Variants in TSPAN19 observed in about 807,000 individuals in gnomAD.
The protein encoded by TSPAN19 is tetraspanin 19, also known as tetraspanin-19.
Under a neutral mutation model 35.1 loss-of-function variants are expected in TSPAN19, and 44 were observed. The ratio of observed to expected loss-of-function variants is 1.25; its 90% confidence interval spans 0.98 to 1.61. TSPAN19 has a LOEUF of 1.61. Among genes scored for constraint, TSPAN19 ranks in the 40% most tolerant of loss-of-function variants. The probability of loss-of-function intolerance (pLI) is 0.00; values close to 1 mark genes in which losing one functional copy is unlikely to be tolerated. For missense variants in TSPAN19, 290 were observed against 280.0 expected (o/e 1.04, Z -0.26); for synonymous variants, 79 against 92.0 (o/e 0.86, Z 0.81).
At chr12:85,022,049 T>G (rs936291667) in intron 5 of TSPAN19, among the ~76,000 whole-genome samples, 1 of 152,118 alleles carries the variant, frequency 6.6e-6, no homozygotes, top group Non-Finnish European at 1.5e-5. Flanking sequence ...TATGGGTGAC[T>G]GATAAACTAT....
At chr12:85,029,853 T>A in intron 2 of TSPAN19, 28 bp downstream of exon 2, 15 of 1,512,276 alleles carry the variant, frequency 9.9e-6, no homozygotes, top group Non-Finnish European at 1.3e-5. Context: ...TTACATTTTC[T>A]TTACTGTATA....
chr12:85,025,814 G>A (rs940124247), intron 4 of TSPAN19, among the ~76,000 whole-genome samples: 6 of 151,536 alleles, frequency 4.0e-5, no homozygotes, highest in Non-Finnish European at 8.8e-5. Context: ...CGTGAGCACC[G>A]CACCTGGCCC....
intron 7 of TSPAN19, chr12:85,017,207 G>C: frequency 2.7e-6 from 1 of 375,778 alleles, no homozygotes. Context: ...AAAGACTGAT[G>C]ATATCCCAAG....
Position 85,029,972 on chromosome 12 carries a change from T to A in TSPAN19, c.-26A>T. On this transcript the variant is annotated splice_region_variant and 5_prime_UTR_variant, in exon 2 of 9. Transcript: ENST00000532498. ...TCTTTTTCTTCCAAGATATTGATGA[T>A]TCTGAAAAGACAACCATAACTTTTT... is the stretch of plus-strand genomic sequence containing the variant. 1 of 1,402,744 alleles carries A rather than the reference T, an allele frequency of 7.1e-7. No homozygotes were observed. The highest frequency in any genetic ancestry group is 9.6e-7 in the Non-Finnish European group (1 of 1,044,184). 86.9% of individuals were successfully genotyped at this position (1,402,744 alleles called of 1,614,324 possible).
chr12:85,023,402 T>C lies in TSPAN19; in HGVS notation c.265-2A>G, dbSNP rs375386781. ...GGTCCATGTTATCAATACTGCATAC[T>C]AAAACAAAAGAAAAATAGAGATGAT... On this transcript the variant is annotated splice_acceptor_variant, in intron 4 of 8. Transcript: ENST00000532498. LOFTEE classifies it high-confidence loss of function. 1.9e-6 allele frequency: 3 copies of C among 1,571,490 alleles called. No homozygotes were observed. The highest frequency in any genetic ancestry group is 2.6e-6 in the Non-Finnish European group (3 of 1,156,940).
Position 85,028,006 on chromosome 12 carries a change from T to C in TSPAN19, c.157A>G (p.Ile53Val), listed in dbSNP as rs745732827. Reference sequence around the variant, plus strand: ...ATCAAAATTTGAGAAATAGGTACTATGAAGTGATTATTTTCATCTGTGAAA... The same window carrying C: ...ATCAAAATTTGAGAAATAGGTACTACGAAGTGATTATTTTCATCTGTGAAA... Reference protein sequence around the residue: ...LTAFDENNHFIVPISQILIGM... With the variant: ...LTAFDENNHFVVPISQILIGM... The change falls in exon 4 of 9, where the codon ATA becomes GTA. Residue 53 changes from isoleucine to valine, a missense_variant. Physicochemically the swap from Ile to Val is conservative, Grantham distance 29. Transcript: ENST00000532498. 4.4e-6 allele frequency: 7 copies of C among 1,573,370 alleles called. No homozygotes were observed. Among genetic ancestry groups the C allele is most frequent in the East Asian group, 2.3e-5 (1 of 43,942 alleles).
At chr12:85,033,614 T>C (rs1877784667) in intron 1 of TSPAN19, among the ~76,000 whole-genome samples, 1 of 152,136 alleles carries the variant, frequency 6.6e-6, no homozygotes, top group Admixed American at 6.6e-5. Context: ...TTAAATTGAT[T>C]CCCTTTATCG....
In TSPAN19 at chr12:85,018,850, A is replaced by G. The variant is rs548337948; in HGVS notation, c.450+776T>C. Among the ~76,000 whole-genome samples, 21 of 152,034 alleles carry G rather than the reference A, an allele frequency of 1.4e-4. 1 individual carries two copies. Among genetic ancestry groups the G allele is most frequent in the Non-Finnish European group, 2.9e-4 (20 of 67,908 alleles). On this transcript the variant is annotated intron_variant, in intron 6 of 8. Coordinates refer to ENST00000532498, the MANE Select transcript of TSPAN19 (RefSeq NM_001100917.2). ...ATGAGGATAACAGTTCCTATGTTAT[A>G]GGGTTGGGAGGACTGAATTAGCTAA...
chr12:85,027,823 A>T, intron 4 of TSPAN19, 76 bp downstream of exon 4: 1 of 1,383,432 alleles, frequency 7.2e-7, no homozygotes, highest in Non-Finnish European at 9.8e-7. Flanking sequence ...GCTAATATAA[A>T]TCAGTATTCA....
chr12:85,019,751 A>T lies in TSPAN19; in HGVS notation c.340-15T>A. Reference sequence around the variant, plus strand: ...AGTTGCTGAACCTGTAGAAAATTGTATTAAAAATGAAAATTTCATAGGAAT... The same window carrying T: ...AGTTGCTGAACCTGTAGAAAATTGTTTTAAAAATGAAAATTTCATAGGAAT... On this transcript the variant is annotated splice_polypyrimidine_tract_variant and intron_variant, in intron 5 of 8. Transcript: ENST00000532498. The T allele has an allele frequency of 6.7e-7, 1 of 1,488,886 alleles. No individual in the cohort carries two copies. Among genetic ancestry groups the T allele is most frequent in the South Asian group, 1.2e-5 (1 of 81,956 alleles). The allele number at this position is 1,488,886 out of a possible 1,614,324, so 92.2% of individuals were successfully genotyped here.
chr12:85,032,203 TG>T (rs1877716907), intron 1 of TSPAN19, among the ~76,000 whole-genome samples: 1 of 152,114 alleles, frequency 6.6e-6, no homozygotes, highest in African/African-American at 2.4e-5. Context: ...TGCAGATAAA[TG>T]GGTAGCATAG....
chr12:85,015,826 C>T, intron 8 of TSPAN19, 62 bp downstream of exon 8: 1 of 1,199,600 alleles, frequency 8.3e-7, no homozygotes, highest in Non-Finnish European at 1.2e-6. Flanking sequence ...GATTGCTCTG[C>T]AGTCTATTCT....
chr12:85,020,037 A>G (rs1877040260), intron 5 of TSPAN19, among the ~76,000 whole-genome samples: 1 of 151,920 alleles, frequency 6.6e-6, no homozygotes, highest in South Asian at 2.1e-4. Flanking sequence ...CTCAGGAAAA[A>G]AACTGTAAAA....
chr12:85,018,428 A>G (rs1876934323), intron 6 of TSPAN19, among the ~76,000 whole-genome samples: 1 of 151,928 alleles, frequency 6.6e-6, no homozygotes, highest in Non-Finnish European at 1.5e-5. Flanking sequence ...TATCTCAGTT[A>G]TATTAATGGC....
chr12:85,021,534 G>A (rs1424998117), intron 5 of TSPAN19, among the ~76,000 whole-genome samples: 2 of 151,884 alleles, frequency 1.3e-5, no homozygotes, highest in African/African-American at 4.8e-5. Flanking sequence ...AACATTATTT[G>A]GGAGATCCAG....
intron 7 of TSPAN19, 118 bp downstream of exon 7, chr12:85,017,338 G>A: frequency 1.1e-6 from 1 of 884,890 alleles, no homozygotes; most frequent in South Asian, 1.6e-5. Context: ...GATTAAGAAT[G>A]TAGCCACCGT....
intron 4 of TSPAN19, chr12:85,024,644 G>A: frequency 6.5e-6 from 1 of 153,442 alleles, no homozygotes. Context: ...AGGCATGGTG[G>A]CTCGCACCTG....
Position 85,027,939 on chromosome 12 carries a change from T to C in TSPAN19, c.224A>G (p.Tyr75Cys). Residue 75 changes from tyrosine to cysteine, a missense_variant, in exon 4 of 9, where the codon TAT becomes TGT. Physicochemically the swap from Tyr to Cys is radical, Grantham distance 194. Coordinates refer to ENST00000532498, the MANE Select transcript of TSPAN19 (RefSeq NM_001100917.2). The part of the protein sequence containing the change: ...SSTVLFCLLG[Y>C]IGIHNEIRWL... ...TCTGATTTCGTTGTGAATTCCTATA[T>C]AACCCAATAGACAAAAAAGAACAGT... The C allele has an allele frequency of 6.3e-7, 1 of 1,596,752 alleles. No homozygotes were observed. The highest frequency in any genetic ancestry group is 8.5e-7 in the Non-Finnish European group (1 of 1,170,730).
At chr12:85,014,612 G>C in intron 8 of TSPAN19, 57 bp from the exon 9 acceptor site, 1 of 1,348,382 alleles carries the variant, frequency 7.4e-7, no homozygotes, top group Non-Finnish European at 1.0e-6. Context: ...AGAGTAATTT[G>C]CAAAGTTAAC....
Sources: allele counts gnomAD v4.1 joint callset (sites outside exome capture counted in the v4.1 genomes callset), GRCh38; gene constraint gnomAD v4.1.1; transcripts MANE v1.5; gene names NCBI Gene and HGNC (gene_info 2026-07-23, HGNC 2026-07-21).